EZH2: variants seen among roughly 807,000 people sequenced by gnomAD.
EZH2 encodes enhancer of zeste 2 polycomb repressive complex 2 subunit.
Under a neutral mutation model 98.4 loss-of-function variants are expected in EZH2, and 18 were observed. The observed-to-expected ratio is 0.18, with a 90% CI of 0.13 to 0.27. The LOEUF (loss-of-function observed/expected upper bound fraction) is 0.27. Ranked by LOEUF, EZH2 falls within the 10% of genes least tolerant of loss-of-function variation. The pLI is 1.00. For synonymous variants in EZH2, 338 were observed against 312.3 expected, an observed-to-expected ratio of 1.08 and a Z score of -0.87; for missense variants, 470 against 935.1, an observed-to-expected ratio of 0.50 and a Z score of 6.49.
At chr7:148,823,827 T>C (rs1806883845) in intron 8 of EZH2, among the ~76,000 whole-genome samples, 1 of 151,254 alleles carries the variant, frequency 6.6e-6, no homozygotes, top group Admixed American at 6.6e-5. Flanking sequence ...ATCTTCATAT[T>C]AATACTTTTT....
intron 16 of EZH2, among the ~76,000 whole-genome samples, chr7:148,811,245 A>T (rs1802991872): frequency 6.6e-6 from 1 of 152,136 alleles, no homozygotes; most frequent in South Asian, 2.1e-4. Context: ...AGGCTCTTCC[A>T]GGCTCAAGCG....
At chr7:148,854,852 A>G (rs1048144931) in intron 1 of EZH2, among the ~76,000 whole-genome samples, 3 of 152,242 alleles carry the variant, frequency 2.0e-5, no homozygotes, top group Non-Finnish European at 2.9e-5. Context: ...CATTGTTTCA[A>G]TATACTGAAA....
chr7:148,844,861 T>C (rs1477742723), intron 3 of EZH2, among the ~76,000 whole-genome samples: 3 of 152,160 alleles, frequency 2.0e-5, no homozygotes, highest in Admixed American at 2.0e-4. Context: ...TAATACTTCA[T>C]GTGTCTGAGC....
At chr7:148,810,226 C>A in intron 17 of EZH2, 107 bp downstream of exon 17, 1 of 738,266 alleles carries the variant, frequency 1.4e-6, no homozygotes, top group Non-Finnish European at 2.4e-6. Flanking sequence ...AGGAGATCCT[C>A]CTTCTGGTCA....
Position 148,839,092 on chromosome 7 carries a change from G to GGAAGGAAGGAAGGAAAGAAA in EZH2, c.247-6343_247-6342insTTTCTTTCCTTCCTTCCTTC, listed in dbSNP as rs1562997880. ...AGGAAGGAAGGAAGGAAGGAAGGAA[G>GGAAGGAAGGAAGGAAAGAAA]GAAGGAAGGAAGGAAAGTGAGTGAG... On this transcript the variant is annotated intron_variant, in intron 3 of 19. Transcript: ENST00000320356. Among the ~76,000 whole-genome samples, 348 of 144,686 alleles carry GGAAGGAAGGAAGGAAAGAAA rather than the reference G, an allele frequency of 2.4e-3. 7 individuals carry two copies. The highest frequency in any genetic ancestry group is 8.6e-3 in the African/African-American group (327 of 37,848). The allele number at this position is 144,686 out of a possible 152,430, so 94.9% of individuals were successfully genotyped here.
intron 3 of EZH2, among the ~76,000 whole-genome samples, chr7:148,845,292 G>A (rs1042190392): frequency 6.6e-6 from 1 of 152,138 alleles, no homozygotes; most frequent in African/African-American, 2.4e-5. Flanking sequence ...AGAACGTTCT[G>A]ATGGGCATCA....
chr7:148,832,595 G>C (rs769432815), intron 4 of EZH2, 39 bp downstream of exon 4: 11 of 1,072,592 alleles, frequency 1.0e-5, no homozygotes, highest in East Asian at 2.4e-5. Flanking sequence ...CTTCAAATAA[G>C]TTATTATCAA....
intron 1 of EZH2, 54 bp from the exon 2 acceptor site, chr7:148,847,359 T>C: frequency 1.9e-6 from 3 of 1,599,584 alleles, no homozygotes; most frequent in Non-Finnish European, 2.6e-6. Flanking sequence ...CTGAATATGA[T>C]CACCTGTGTT....
intron 1 of EZH2, among the ~76,000 whole-genome samples, chr7:148,883,669 G>A (rs1418195591): frequency 1.5e-4 from 22 of 150,188 alleles, no homozygotes; most frequent in African/African-American, 3.9e-4. Context: ...TTCCCCTCGC[G>A]CCGAGCCCTC....
chr7:148,843,179 G>C (rs1306012148), intron 3 of EZH2, among the ~76,000 whole-genome samples: 1 of 142,046 alleles, frequency 7.0e-6, no homozygotes, highest in Non-Finnish European at 1.5e-5. Context: ...TTGCACTCCA[G>C]CCTGGGCAAC....
At chr7:148,857,641 C>CT (rs1817025851) in intron 1 of EZH2, among the ~76,000 whole-genome samples, 1 of 152,086 alleles carries the variant, frequency 6.6e-6, no homozygotes. Context: ...ATCCCAGCTA[C>CT]TTGGGAGGCT....
At chr7:148,856,810 T>C (rs1816899679) in intron 1 of EZH2, among the ~76,000 whole-genome samples, 1 of 152,210 alleles carries the variant, frequency 6.6e-6, no homozygotes, top group Non-Finnish European at 1.5e-5. Context: ...ATGATATAAA[T>C]AAGTGATTAA....
intron 12 of EZH2, 37 bp from the exon 13 acceptor site, chr7:148,815,583 C>T (rs376593103): frequency 8.3e-5 from 133 of 1,593,984 alleles, no homozygotes; most frequent in Middle Eastern, 3.3e-4. Context: ...CAAATTTCTG[C>T]GGGAAGCTAC....
chr7:148,834,469 T>C (rs1810353729), intron 3 of EZH2, among the ~76,000 whole-genome samples: 1 of 152,034 alleles, frequency 6.6e-6, no homozygotes, highest in Non-Finnish European at 1.5e-5. Context: ...ATCTGGCATA[T>C]GGGCCACACC....
In EZH2 at chr7:148,884,180, G is replaced by A. The variant is rs1244095507; in HGVS notation, c.-24C>T. On this transcript the variant is annotated 5_prime_UTR_variant, in exon 1 of 20. Coordinates refer to ENST00000320356, the MANE Select transcript of EZH2 (RefSeq NM_004456.5). ...GCGCGTTACCTTCGTCCCGCGCGCC[G>A]ACTCGCGTTGTTCCCGCGCGTCGCC... 2 of 162,940 alleles carry A rather than the reference G, an allele frequency of 1.2e-5. No homozygotes were observed. The highest frequency in any genetic ancestry group is 2.7e-5 in the Non-Finnish European group (2 of 74,554). The allele number at this position is 162,940 out of a possible 1,614,324, so 10.1% of individuals were successfully genotyped here.
intron 1 of EZH2, among the ~76,000 whole-genome samples, chr7:148,868,266 TAAAGA>T (rs560518600): frequency 4.9e-4 from 74 of 152,280 alleles, no homozygotes; most frequent in African/African-American, 1.7e-3. Context: ...GGGTAATTTA[TAAAGA>T]AAAGAGGTTT....
Position 148,833,274 on chromosome 7 carries a change from C to A in EZH2, c.247-524G>T, listed in dbSNP as rs181956593. ...GAGATCGAGACCATCCTGGCTAACACGGTGAAACCCCGTCTCTACTAAAAA... is the reference window on the plus strand; with the variant it reads ...GAGATCGAGACCATCCTGGCTAACAAGGTGAAACCCCGTCTCTACTAAAAA... On this transcript the variant is annotated intron_variant, in intron 3 of 19. Coordinates refer to ENST00000320356, the MANE Select transcript of EZH2 (RefSeq NM_004456.5). Among the ~76,000 whole-genome samples, 1,211 of 151,784 alleles carry A rather than the reference C, an allele frequency of 8.0e-3. 14 individuals carry two copies. Among genetic ancestry groups the A allele is most frequent in the South Asian group, 0.021 (103 of 4,810 alleles).
chr7:148,839,679 G>C (rs984800956), intron 3 of EZH2, among the ~76,000 whole-genome samples: 1 of 151,842 alleles, frequency 6.6e-6, no homozygotes, highest in African/African-American at 2.4e-5. Context: ...CAAGTAGCTG[G>C]GACTACAGGC....
intron 1 of EZH2, among the ~76,000 whole-genome samples, chr7:148,859,176 C>T (rs1371309741): frequency 2.6e-5 from 4 of 152,028 alleles, no homozygotes; most frequent in South Asian, 2.1e-4. Flanking sequence ...AAATCTGTGC[C>T]CTTATACAGC....
Sources: gnomAD v4.1 joint callset for allele counts (sites outside exome capture counted in the v4.1 genomes callset) on GRCh38, gnomAD v4.1.1 for gene constraint, MANE v1.5 for transcripts, NCBI Gene and HGNC (gene_info 2026-07-23, HGNC 2026-07-21) for gene names.